The following TMC2 variants were observed in gnomAD, a reference collection of about 807,000 sequenced individuals.
TMC2 encodes transmembrane channel-like protein 2.
Under a neutral mutation model 105.9 loss-of-function variants are expected in TMC2, and 102 were observed. That is an observed-to-expected ratio of 0.96 (90% CI 0.82 to 1.14). The LOEUF (loss-of-function observed/expected upper bound fraction) is 1.14. Among genes scored for constraint, TMC2 ranks in the 50% most tolerant of loss-of-function variants. TMC2 has a pLI of 0.00. For missense variants in TMC2, 1,093 were observed against 1,134.3 expected (o/e 0.96, Z 0.52); for synonymous variants, 402 against 422.8 (o/e 0.95, Z 0.60).
At chr20:2,550,413 C>G (rs13039294) in intron 2 of TMC2, among the ~76,000 whole-genome samples, 29,342 of 152,010 alleles carry the variant, frequency 0.19, 2,916 homozygotes, top group African/African-American at 0.22. Flanking sequence ...CTTTCCTCCC[C>G]TCACCGAATG....
intron 11 of TMC2, among the ~76,000 whole-genome samples, chr20:2,606,664 G>T (rs1328094366): frequency 6.6e-6 from 1 of 151,728 alleles, no homozygotes; most frequent in Admixed American, 6.6e-5. Context: ...CCTTTTTTGG[G>T]TTTTCTTCTT....
chr20:2,605,766 G>T (rs764428845), intron 11 of TMC2, among the ~76,000 whole-genome samples: 1 of 152,184 alleles, frequency 6.6e-6, no homozygotes, highest in Non-Finnish European at 1.5e-5. Context: ...CCTCTCCCAG[G>T]AGTTAAGGCA....
Position 2,545,060 on chromosome 20 carries a change from A to G in TMC2, c.82+7744A>G, listed in dbSNP as rs1451208496. Among the ~76,000 whole-genome samples, 6 of 151,956 alleles carry G rather than the reference A, an allele frequency of 3.9e-5. No individual in the cohort carries two copies. In the East Asian group the frequency reaches 1.2e-3, roughly 29 times the overall value. On this transcript the variant is annotated intron_variant, in intron 2 of 19. Coordinates refer to ENST00000358864, the MANE Select transcript of TMC2 (RefSeq NM_080751.3). ...AAAAAAAAAAAAAAAAAATTTAATT[A>G]GACATGCATGGTGGCACACACCTGT... is the stretch of plus-strand genomic sequence containing the variant.
intron 3 of TMC2, among the ~76,000 whole-genome samples, chr20:2,560,318 T>C (rs1336344019): frequency 6.6e-6 from 1 of 150,796 alleles, no homozygotes; most frequent in Non-Finnish European, 1.5e-5. Flanking sequence ...TTCAAGGGCA[T>C]CCTAAAACTT....
intron 16 of TMC2, among the ~76,000 whole-genome samples, chr20:2,619,652 C>T (rs960394494): frequency 6.6e-6 from 1 of 152,058 alleles, no homozygotes; most frequent in Non-Finnish European, 1.5e-5. Context: ...ACAGTGTTCA[C>T]ACAGAAGGAG....
intron 5 of TMC2, among the ~76,000 whole-genome samples, chr20:2,574,247 T>C (rs2086126585): frequency 6.6e-6 from 1 of 152,216 alleles, no homozygotes; most frequent in East Asian, 1.9e-4. Context: ...ACATTACTTT[T>C]AATTCCACAG....
At chr20:2,629,824 C>T (rs960571413) in intron 17 of TMC2, among the ~76,000 whole-genome samples, 1 of 152,202 alleles carries the variant, frequency 6.6e-6, no homozygotes, top group South Asian at 2.1e-4. Flanking sequence ...AAGCTAAATC[C>T]GGACCACACT....
chr20:2,579,277 C>T, intron 6 of TMC2, 50 bp downstream of exon 6: 1 of 1,141,356 alleles, frequency 8.8e-7, no homozygotes. Flanking sequence ...TAAAGCGTTT[C>T]CCAAGAGCTT....
At chr20:2,619,228 G>A (rs547140692) in intron 16 of TMC2, among the ~76,000 whole-genome samples, 22 of 152,270 alleles carry the variant, frequency 1.4e-4, no homozygotes, top group African/African-American at 4.3e-4. Flanking sequence ...ACAAGCAGCC[G>A]TGAGACAGGT....
In TMC2 at chr20:2,573,515, C is replaced by A. The variant is rs1170822059; in HGVS notation, c.645+1246C>A. 4.8e-5 allele frequency among the ~76,000 whole-genome samples: 7 copies of A among 146,270 alleles called. No homozygotes were observed. The East Asian group carries it at 1.4e-3, about 29-fold the overall frequency. Reference sequence around the variant, plus strand: ...TTTTGTGCTAATTTTATATCTGGTTCTCTTATGGTACTCTCTTATTAATTC... The same window carrying A: ...TTTTGTGCTAATTTTATATCTGGTTATCTTATGGTACTCTCTTATTAATTC... On this transcript the variant is annotated intron_variant, in intron 5 of 19. Transcript: ENST00000358864.
intron 10 of TMC2, 121 bp downstream of exon 10, chr20:2,597,419 C>G: frequency 9.7e-7 from 1 of 1,026,254 alleles, no homozygotes; most frequent in Non-Finnish European, 1.4e-6. Flanking sequence ...CAAGAGCCTT[C>G]CCAGAAATGT....
Position 2,641,556 on chromosome 20 carries a change from C to G in TMC2, c.*205C>G. On this transcript the variant is annotated 3_prime_UTR_variant, in exon 20 of 20. Transcript: ENST00000358864. Reference sequence around the variant, plus strand: ...TGGCTTCACCTGTCCTTTAGGGAAGCTGGAGCCATCTCTGCACTAACTGCC... The same window carrying G: ...TGGCTTCACCTGTCCTTTAGGGAAGGTGGAGCCATCTCTGCACTAACTGCC... 1.2e-5 allele frequency: 7 copies of G among 566,254 alleles called. No homozygotes were observed. The highest frequency in any genetic ancestry group is 2.2e-5 in the Non-Finnish European group (7 of 316,492). The allele number at this position is 566,254 out of a possible 1,614,324, so 35.1% of individuals were successfully genotyped here.
chr20:2,558,653 A>G lies in TMC2; in HGVS notation c.280A>G (p.Thr94Ala). 1 of 1,582,810 alleles carries G rather than the reference A, an allele frequency of 6.3e-7. No homozygotes were observed. Among genetic ancestry groups the G allele is most frequent in the South Asian group, 1.2e-5 (1 of 86,732 alleles). The stretch of plus-strand genomic sequence containing the variant: ...GCAGGAGCGGGGCGAGGCAGAGAGG[A>G]CCTGCGAGGGCAGGAGAAAGCGCGA... The part of the protein sequence containing the change: ...GEQERGEAER[T>A]CEGRRKRDER... The change falls in exon 3 of 20, where the codon ACC becomes GCC. Residue 94 changes from threonine to alanine, a missense_variant. By Grantham distance (58) the Thr-to-Ala change is moderately conservative (BLOSUM62 0). Coordinates refer to ENST00000358864, the MANE Select transcript of TMC2 (RefSeq NM_080751.3). This position sits in a 1 kb window ranked among gnomAD's most constrained non-coding sequence, Gnocchi z 4.6.
chr20:2,574,989 G>A (rs1309639416), intron 5 of TMC2, among the ~76,000 whole-genome samples: 1 of 152,248 alleles, frequency 6.6e-6, no homozygotes, highest in African/African-American at 2.4e-5. Flanking sequence ...GCCTCCCAAA[G>A]TGCTGGGATT....
chr20:2,629,070 C>G (rs555404865), intron 17 of TMC2, among the ~76,000 whole-genome samples: 1 of 152,068 alleles, frequency 6.6e-6, no homozygotes, highest in South Asian at 2.1e-4. Flanking sequence ...CCACTGTACT[C>G]CAGCCTGGGC....
intron 16 of TMC2, 131 bp downstream of exon 16, chr20:2,617,442 A>G (rs2086492926): frequency 8.2e-7 from 1 of 1,217,700 alleles, no homozygotes; most frequent in South Asian, 1.5e-5. Context: ...TGAATCACCG[A>G]TGCCATTTAA....
chr20:2,544,774 C>A (rs1379675160), intron 2 of TMC2, among the ~76,000 whole-genome samples: 1 of 152,156 alleles, frequency 6.6e-6, no homozygotes, highest in African/African-American at 2.4e-5. Flanking sequence ...AATTATGAAA[C>A]AAAGGCTGGG....
In TMC2 at chr20:2,613,240, C is replaced by T. The variant is rs781295773; in HGVS notation, c.1790C>T (p.Thr597Ile). The T allele has an allele frequency of 1.5e-5, 25 of 1,614,096 alleles. 1 individual carries two copies. In the South Asian group the frequency reaches 2.7e-4, roughly 18 times the overall value. Residue 597 changes from threonine (T) to isoleucine (I), a missense_variant, in exon 14 of 20, where the codon ACC becomes ATC. Coordinates refer to ENST00000358864, the MANE Select transcript of TMC2 (RefSeq NM_080751.3). ...TCTGACATGCTGGTAACGTACATCACCATCCTGCTGGGGGACTTCCTACGG... is the reference window on the plus strand; with the variant it reads ...TCTGACATGCTGGTAACGTACATCATCATCCTGCTGGGGGACTTCCTACGG... ...TVSDMLVTYI[T>I]ILLGDFLRAC... is the part of the protein sequence containing the mutation.
intron 2 of TMC2, among the ~76,000 whole-genome samples, chr20:2,557,842 G>C (rs1213894323): frequency 1.3e-5 from 2 of 152,194 alleles, no homozygotes; most frequent in African/African-American, 4.8e-5. Flanking sequence ...TTCTCACCCA[G>C]ACCAGAAGCT....
Sources: gnomAD v4.1 joint callset for allele counts (sites outside exome capture counted in the v4.1 genomes callset) on GRCh38, gnomAD v4.1.1 for gene constraint, Gnocchi (gnomAD v3.1) non-coding constraint, MANE v1.5 for transcripts, NCBI Gene and HGNC (gene_info 2026-07-23, HGNC 2026-07-21) for gene names.